Variants in FBXO33 observed in about 807,000 individuals in gnomAD.
The protein encoded by FBXO33 is F-box protein 33.
FBXO33 carries 22 observed loss-of-function variants against 46.3 expected under a neutral mutation model. The observed-to-expected ratio is 0.48, with a 90% CI of 0.34 to 0.68. FBXO33 has a LOEUF of 0.68. Ranked by LOEUF, FBXO33 falls within the 30% of genes least tolerant of loss-of-function variation. The probability of loss-of-function intolerance (pLI) is 0.01; values close to 1 mark genes in which losing one functional copy is unlikely to be tolerated. For synonymous variants in FBXO33, 337 were observed against 291.3 expected, an observed-to-expected ratio of 1.16 and a Z score of -1.60; for missense variants, 692 against 708.8, an observed-to-expected ratio of 0.98 and a Z score of 0.27.
In FBXO33 at chr14:39,432,263, G is replaced by T; in HGVS notation, c.-101C>A. 2.0e-6 allele frequency: 2 copies of T among 1,008,992 alleles called. No homozygotes were observed. The highest frequency in any genetic ancestry group is 2.5e-6 in the Non-Finnish European group (2 of 804,502). 62.5% of individuals were successfully genotyped at this position (1,008,992 alleles called of 1,614,324 possible). A position where few individuals can be genotyped will look rare whatever the true frequency, so the allele number is the denominator to read the frequency against. On this transcript the variant is annotated 5_prime_UTR_variant, in exon 1 of 4. Transcript: ENST00000298097. ...GGAAAGGCCTCTGCGGGCGTGGCCTGCCGGGAGCCAGCCTCTGTCTTCTCA... is the reference window on the plus strand; with the variant it reads ...GGAAAGGCCTCTGCGGGCGTGGCCTTCCGGGAGCCAGCCTCTGTCTTCTCA...
intron 1 of FBXO33, among the ~76,000 whole-genome samples, chr14:39,405,523 G>T (rs528054270): frequency 6.6e-6 from 1 of 152,018 alleles, no homozygotes; most frequent in Non-Finnish European, 1.5e-5. Flanking sequence ...TGGTGGTGAA[G>T]TAAACAATGA....
intron 1 of FBXO33, among the ~76,000 whole-genome samples, chr14:39,422,772 C>T (rs971844651): frequency 3.9e-5 from 6 of 152,098 alleles, no homozygotes; most frequent in Non-Finnish European, 7.4e-5. Flanking sequence ...AATCTCTACC[C>T]ATAAAGGAAC....
At chr14:39,401,889 T>C (rs1397569590) in intron 2 of FBXO33, 28 bp from the exon 3 acceptor site, 1 of 1,539,914 alleles carries the variant, frequency 6.5e-7, no homozygotes, top group African/African-American at 1.4e-5. Context: ...GCCACAGTGA[T>C]CCCATTAACA....
chr14:39,410,555 G>A (rs1485799777), intron 1 of FBXO33, among the ~76,000 whole-genome samples: 1 of 152,146 alleles, frequency 6.6e-6, no homozygotes, highest in Admixed American at 6.5e-5. Context: ...GTTTAGAAGC[G>A]TTCCCTCTTC....
chr14:39,422,481 A>G (rs2075489976), intron 1 of FBXO33, among the ~76,000 whole-genome samples: 1 of 152,172 alleles, frequency 6.6e-6, no homozygotes. Context: ...TCTTTGCTCA[A>G]AACTCTCTGA....
intron 1 of FBXO33, among the ~76,000 whole-genome samples, chr14:39,410,628 A>C (rs540448560): frequency 1.3e-5 from 2 of 152,334 alleles, no homozygotes; most frequent in East Asian, 3.9e-4. Flanking sequence ...ATTTGGTAGA[A>C]TTCACCTGTG....
chr14:39,403,912 C>T lies in FBXO33; in HGVS notation c.600-1401G>A, dbSNP rs572135355. ...AACCTCCTGGGCTTAAGTGATCCTTCCAGCTCAGCCTCCTGAGTAGCTGGG... is the reference window on the plus strand; with the variant it reads ...AACCTCCTGGGCTTAAGTGATCCTTTCAGCTCAGCCTCCTGAGTAGCTGGG... On this transcript the variant is annotated intron_variant, in intron 1 of 3. Transcript: ENST00000298097. 5.9e-4 allele frequency among the ~76,000 whole-genome samples: 89 copies of T among 151,808 alleles called. 1 individual carries two copies. The South Asian group carries it at 8.9e-3, about 15-fold the overall frequency.
intron 1 of FBXO33, among the ~76,000 whole-genome samples, chr14:39,429,014 G>C (rs549212098): frequency 6.6e-6 from 1 of 152,210 alleles, no homozygotes; most frequent in South Asian, 2.1e-4. Context: ...CTTATTAGTT[G>C]TTCCTAAAAC....
intron 1 of FBXO33, among the ~76,000 whole-genome samples, chr14:39,427,240 A>G (rs908028218): frequency 6.6e-6 from 1 of 152,228 alleles, no homozygotes; most frequent in African/African-American, 2.4e-5. Flanking sequence ...GCTGTGGAAT[A>G]AAAAGTCCTA....
Position 39,432,054 on chromosome 14 carries a change from G to GC in FBXO33, c.108_109insG (p.Arg37AlafsTer64). 1 of 1,222,524 alleles carries GC rather than the reference G, an allele frequency of 8.2e-7. No individual in the cohort carries two copies. Among genetic ancestry groups the GC allele is most frequent in the Non-Finnish European group, 1.0e-6 (1 of 968,772 alleles). The allele number at this position is 1,222,524 out of a possible 1,614,324, so 75.7% of individuals were successfully genotyped here. Reference sequence around the variant, plus strand: ...AGTACCCGGAGCAGCCCCCGCAGCCGTCGCAGCTGCTGCAGCCGCAGCCGC... The same window carrying GC: ...AGTACCCGGAGCAGCCCCCGCAGCCGCTCGCAGCTGCTGCAGCCGCAGCCGC... On this transcript the variant is annotated frameshift_variant, in exon 1 of 4. Transcript: ENST00000298097. LOFTEE classifies it high-confidence loss of function.
chr14:39,412,983 G>C (rs189023554), intron 1 of FBXO33, among the ~76,000 whole-genome samples: 279 of 152,344 alleles, frequency 1.8e-3, no homozygotes, highest in African/African-American at 6.4e-3. Flanking sequence ...TCACTGATCA[G>C]GGTGATAGCT....
At chr14:39,409,179 C>T (rs900022579) in intron 1 of FBXO33, among the ~76,000 whole-genome samples, 3 of 152,118 alleles carry the variant, frequency 2.0e-5, no homozygotes, top group Admixed American at 1.3e-4. Context: ...TGCCAAGAAG[C>T]TTTCCCCCTA....
In FBXO33 at chr14:39,431,935, G is replaced by A; in HGVS notation, c.228C>T (p.Ile76=). The change falls in exon 1 of 4, where the codon ATC becomes ATT. Residue 76 remains isoleucine, a synonymous_variant. Transcript: ENST00000298097. ...AGAASLPSEL[I]VHIFSFLPAP... is the part of the protein sequence containing the mutation. Reference sequence around the variant, plus strand: ...CCGGCAGAAAAGAGAAGATGTGCACGATCAGCTCGCTGGGCAGCGACGCAG... The same window carrying A: ...CCGGCAGAAAAGAGAAGATGTGCACAATCAGCTCGCTGGGCAGCGACGCAG... The A allele has an allele frequency of 1.3e-6, 2 of 1,533,800 alleles. No homozygotes were observed. The highest frequency in any genetic ancestry group is 1.7e-6 in the Non-Finnish European group (2 of 1,146,168).
At position 39,429,928 on chromosome 14, in the gene FBXO33, C is replaced by G. The variant is rs116596704; in HGVS notation, c.599+1636G>C. 8.0e-3 allele frequency among the ~76,000 whole-genome samples: 1,224 copies of G among 152,302 alleles called. 16 individuals are homozygous for G. The highest frequency in any genetic ancestry group is 0.027 in the African/African-American group (1,126 of 41,552). On this transcript the variant is annotated intron_variant, in intron 1 of 3. Transcript: ENST00000298097. ...GCCTGTATGTTATCCACCCATCCAA[C>G]CAACCAGTTATTAAAATACTTAAAA...
chr14:39,431,991 G>C lies in FBXO33; in HGVS notation c.172C>G (p.Arg58Gly), dbSNP rs1385666110. 4.9e-6 allele frequency: 7 copies of C among 1,440,364 alleles called. No individual in the cohort carries two copies. Among genetic ancestry groups the C allele is most frequent in the Non-Finnish European group, 6.3e-6 (7 of 1,109,948 alleles). The allele number at this position is 1,440,364 out of a possible 1,614,324, so 89.2% of individuals were successfully genotyped here. ...GCCGCCTGCCCGCACAGAGCCATCCGGCCCCGCCGCCGGCTGCCGGCTCCC... is the reference window on the plus strand; with the variant it reads ...GCCGCCTGCCCGCACAGAGCCATCCCGCCCCGCCGCCGGCTGCCGGCTCCC... Reference protein sequence around the residue: ...RPGAGSRRRGRMALCGQAAGA... With the variant: ...RPGAGSRRRGGMALCGQAAGA... Residue 58 changes from arginine (R) to glycine (G), a missense_variant, in exon 1 of 4, where the codon CGG (arginine) becomes GGG (glycine). By Grantham distance (125) the Arg-to-Gly change is moderately radical. Around this residue, in one of 3 missense-constraint regions of FBXO33, gnomAD observed 412 missense variants for 370.8 expected, o/e 1.11. Transcript: ENST00000298097.
chr14:39,401,953 C>A (rs1292639879), intron 2 of FBXO33, 92 bp from the exon 3 acceptor site: 2 of 1,029,450 alleles, frequency 1.9e-6, no homozygotes, highest in Non-Finnish European at 2.8e-6. Flanking sequence ...GAAAAGCATG[C>A]AATTTTGAGA....
At chr14:39,430,750 GT>G (rs2075539954) in intron 1 of FBXO33, among the ~76,000 whole-genome samples, 1 of 152,164 alleles carries the variant, frequency 6.6e-6, no homozygotes. Flanking sequence ...AATTAATAGG[GT>G]TTTGGAGGTG....
chr14:39,432,294 T>C lies in FBXO33; in HGVS notation c.-132A>G. On this transcript the variant is annotated 5_prime_UTR_variant, in exon 1 of 4. Coordinates refer to ENST00000298097, the MANE Select transcript of FBXO33 (RefSeq NM_203301.4). Reference sequence around the variant, plus strand: ...AGCCAGCCTCTGTCTTCTCAAACTCTACTCACGTGCGTCCGAGGCCGGCAC... The same window carrying C: ...AGCCAGCCTCTGTCTTCTCAAACTCCACTCACGTGCGTCCGAGGCCGGCAC... The C allele has an allele frequency of 1.4e-6, 1 of 716,364 alleles. No individual in the cohort carries two copies. Among genetic ancestry groups the C allele is most frequent in the Non-Finnish European group, 1.9e-6 (1 of 536,274 alleles). The allele number at this position is 716,364 out of a possible 1,614,324, so 44.4% of individuals were successfully genotyped here.
At chr14:39,409,310 T>G (rs1161190897) in intron 1 of FBXO33, among the ~76,000 whole-genome samples, 1 of 152,206 alleles carries the variant, frequency 6.6e-6, no homozygotes, top group East Asian at 1.9e-4. Flanking sequence ...CTGTGGATTT[T>G]CAGTTTACAC....
Sources: allele counts gnomAD v4.1 joint callset (sites outside exome capture counted in the v4.1 genomes callset), GRCh38; gene constraint gnomAD v4.1.1; regional missense constraint gnomAD v4.1.1; transcripts MANE v1.5; gene names NCBI Gene and HGNC (gene_info 2026-07-23, HGNC 2026-07-21).